Variants in DSC1 observed in about 807,000 individuals in gnomAD.
DSC1 encodes desmocollin 1.
In DSC1, 79 loss-of-function variants were observed where a neutral mutation model predicts 98.8. That is an observed-to-expected ratio of 0.80 (90% CI 0.67 to 0.96). The LOEUF is 0.96. Among genes scored for constraint, DSC1 ranks in the 50% least tolerant of loss-of-function variants. The pLI is 0.00. For missense variants in DSC1, 1,115 were observed against 1,075.9 expected (o/e 1.04, Z -0.51); for synonymous variants, 405 against 372.1 (o/e 1.09, Z -1.02).
chr18:31,134,558 G>C lies in DSC1; in HGVS notation c.1876+14C>G, dbSNP rs765022193. On this transcript the variant is annotated intron_variant, in intron 12 of 15. Transcript: ENST00000257198. The stretch of plus-strand genomic sequence containing the variant: ...AAGTCCGTATTGACTATAAAATTTA[G>C]CATGATTACATACCATCCTTTTCTT... 1 of 1,584,584 alleles carries C rather than the reference G, an allele frequency of 6.3e-7. No homozygotes were observed. Among genetic ancestry groups the C allele is most frequent in the African/African-American group, 1.3e-5 (1 of 74,134 alleles).
chr18:31,141,963 A>G, intron 9 of DSC1, 36 bp downstream of exon 9: 1 of 1,564,864 alleles, frequency 6.4e-7, no homozygotes, highest in Non-Finnish European at 8.6e-7. Flanking sequence ...GAGTTAGGAT[A>G]TTTTAAAGCA....
intron 6 of DSC1, among the ~76,000 whole-genome samples, chr18:31,146,955 T>C (rs553862763): frequency 6.6e-6 from 1 of 152,306 alleles, no homozygotes; most frequent in South Asian, 2.1e-4. Context: ...AGTCCAGACA[T>C]GAGAGTATTA....
At chr18:31,160,132 C>A (rs1033762253) in intron 1 of DSC1, among the ~76,000 whole-genome samples, 1 of 152,028 alleles carries the variant, frequency 6.6e-6, no homozygotes, top group Non-Finnish European at 1.5e-5. Flanking sequence ...TGGAGAGTAT[C>A]CTTCAGATGG....
At position 31,129,667 on chromosome 18, in the gene DSC1, T is replaced by C. The variant is rs1355168076; in HGVS notation, c.*847A>G. The C allele has an allele frequency of 6.6e-6, 1 of 152,112 alleles. No individual in the cohort carries two copies. The highest frequency in any genetic ancestry group is 1.9e-4 in the East Asian group (1 of 5,198). The allele number at this position is 152,112 out of a possible 1,614,324, so 9.4% of individuals were successfully genotyped here. On this transcript the variant is annotated 3_prime_UTR_variant, in exon 16 of 16. Transcript: ENST00000257198. ...CCTATGTCAAACTCAAGAGTGAATG[T>C]TTTTGCTAAAGTATTTATATTTTTA...
chr18:31,147,379 G>A (rs1988868369), intron 6 of DSC1, among the ~76,000 whole-genome samples: 1 of 152,032 alleles, frequency 6.6e-6, no homozygotes, highest in African/African-American at 2.4e-5. Context: ...GCATTTGTCT[G>A]TTGCACATTC....
chr18:31,160,687 C>T (rs1196893738), intron 1 of DSC1, among the ~76,000 whole-genome samples: 3 of 152,132 alleles, frequency 2.0e-5, no homozygotes, highest in Non-Finnish European at 4.4e-5. Flanking sequence ...ATATGTTCAT[C>T]CCTAATGCCA....
At chr18:31,133,136 A>G (rs568247145) in intron 13 of DSC1, among the ~76,000 whole-genome samples, 2 of 152,196 alleles carry the variant, frequency 1.3e-5, no homozygotes, top group Non-Finnish European at 2.9e-5. Flanking sequence ...ATCCAATTTA[A>G]TCTGAAACTC....
In DSC1 at chr18:31,156,088, T is replaced by A. The variant is rs768329932; in HGVS notation, c.426A>T (p.Ser142=). The change falls in exon 4 of 16, where the codon TCA becomes TCT. Residue 142 remains serine (S), a synonymous_variant. Transcript: ENST00000257198. The part of the protein sequence containing the change: ...SKRRWAPIPA[S]LMENSLGPFP... ...ATGGACCCAACGAGTTCTCCATCAA[T>A]GAAGCTGGAATAGGAGCCCATCGTC... 2.8e-5 allele frequency: 46 copies of A among 1,614,076 alleles called. No homozygotes were observed. Among genetic ancestry groups the A allele is most frequent in the Non-Finnish European group, 3.6e-5 (43 of 1,180,040 alleles).
At chr18:31,145,530 G>A (rs1988828069) in intron 7 of DSC1, 81 bp downstream of exon 7, 2 of 1,497,504 alleles carry the variant, frequency 1.3e-6, no homozygotes, top group Admixed American at 1.8e-5. Context: ...GGCCAGACTG[G>A]CCATATTGCA....
intron 5 of DSC1, among the ~76,000 whole-genome samples, chr18:31,149,158 A>G (rs1440122913): frequency 6.6e-6 from 1 of 152,238 alleles, no homozygotes; most frequent in Non-Finnish European, 1.5e-5. Context: ...TTCCATTTCA[A>G]AATGAATGCC....
chr18:31,141,966 T>G, intron 9 of DSC1, 33 bp downstream of exon 9: 1 of 1,567,544 alleles, frequency 6.4e-7, no homozygotes, highest in Non-Finnish European at 8.6e-7. Context: ...TTAGGATATT[T>G]TAAAGCATAG....
intron 8 of DSC1, among the ~76,000 whole-genome samples, chr18:31,143,380 ATAAAAT>A (rs753762531): frequency 0.037 from 5,451 of 146,294 alleles, 380 homozygotes; most frequent in African/African-American, 0.13. Flanking sequence ...CACCAAAAAA[ATAAAAT>A]AAAATAAAAT....
chr18:31,148,782 G>T, intron 5 of DSC1, 140 bp from the exon 6 acceptor site: 1 of 775,522 alleles, frequency 1.3e-6, no homozygotes, highest in Non-Finnish European at 1.9e-6. Context: ...ATGCAATAGA[G>T]AGATAACCCA....
At chr18:31,135,631 T>G (rs1002291062) in intron 11 of DSC1, among the ~76,000 whole-genome samples, 1 of 152,192 alleles carries the variant, frequency 6.6e-6, no homozygotes, top group Non-Finnish European at 1.5e-5. Context: ...AGGAACTGTC[T>G]CGTACTCATC....
rs1567999695 is a variant in DSC1, at chr18:31,143,395, AT to A, written c.1074+261del. Among the ~76,000 whole-genome samples, 405 of 92,614 alleles carry A rather than the reference AT, an allele frequency of 4.4e-3. 3 individuals carry two copies. The highest frequency in any genetic ancestry group is 0.018 in the East Asian group (22 of 1,244). 60.8% of individuals were successfully genotyped at this position (92,614 alleles called of 152,430 possible). ...CACCAAAAAAATAAAATAAAATAAA[AT>A]AAAAGTTTAACACATGAGCTACGTC... On this transcript the variant is annotated intron_variant, in intron 8 of 15. Coordinates refer to ENST00000257198, the MANE Select transcript of DSC1 (RefSeq NM_024421.2).
At chr18:31,152,187 T>C (rs1243486337) in intron 5 of DSC1, among the ~76,000 whole-genome samples, 1 of 150,498 alleles carries the variant, frequency 6.6e-6, no homozygotes, top group East Asian at 2.0e-4. Flanking sequence ...AAAAACAAGA[T>C]AATAAAAGAT....
At position 31,131,812 on chromosome 18, in the gene DSC1, A is replaced by C. The variant is rs765938665; in HGVS notation, c.2269T>G (p.Ser757Ala). Residue 757 changes from serine (S) to alanine (A), a missense_variant, in exon 15 of 16, where the codon TCC (serine) becomes GCC (alanine). Coordinates refer to ENST00000257198, the MANE Select transcript of DSC1 (RefSeq NM_024421.2). ...GACATGCTTGTGTCACAAATGTTGG[A>C]TGTCTGCATGGGGAGTCTAATATTT... ...EANIRLPMQT[S>A]NICDTSMSVG... 5.6e-6 allele frequency: 9 copies of C among 1,613,968 alleles called. No individual in the cohort carries two copies. In the East Asian group the frequency reaches 1.8e-4, roughly 32 times the overall value.
chr18:31,156,804 T>C (rs992943528), intron 3 of DSC1, among the ~76,000 whole-genome samples: 1 of 152,214 alleles, frequency 6.6e-6, no homozygotes, highest in Non-Finnish European at 1.5e-5. Flanking sequence ...CTCCCTGCTT[T>C]CTGAACTGAT....
chr18:31,143,559 A>G, intron 8 of DSC1, 98 bp downstream of exon 8: 1 of 927,688 alleles, frequency 1.1e-6, no homozygotes, highest in African/African-American at 1.7e-5. Flanking sequence ...TTTAAATCAA[A>G]CTGTCAAACT....
Sources: gnomAD v4.1 joint callset for allele counts (sites outside exome capture counted in the v4.1 genomes callset) on GRCh38, gnomAD v4.1.1 for gene constraint, MANE v1.5 for transcripts, NCBI Gene and HGNC (gene_info 2026-07-23, HGNC 2026-07-21) for gene names.